Variants in CSMD1 observed in about 807,000 individuals in gnomAD.
CSMD1 encodes CUB and Sushi multiple domains 1, also known as CUB and sushi domain-containing protein 1.
CSMD1 carries 213 observed loss-of-function variants against 417.5 expected under a neutral mutation model. The observed-to-expected ratio is 0.51, with a 90% CI of 0.46 to 0.57. The LOEUF is 0.57. CSMD1 is among the 20% of genes least tolerant of loss of function. The pLI, the probability that CSMD1 is intolerant of heterozygous loss-of-function variation, is 0.00. For missense variants in CSMD1, 6,923 were observed against 4,529.7 expected (o/e 1.53, Z -15.17); for synonymous variants, 2,862 against 1,736.8 (o/e 1.65, Z -16.11).
Position 4,805,211 on chromosome 8 carries a change from G to C in CSMD1, c.86-167653C>G, listed in dbSNP as rs1798520017. Among the ~76,000 whole-genome samples, 3 of 152,130 alleles carry C rather than the reference G, an allele frequency of 2.0e-5. No homozygotes were observed. The South Asian group carries it at 6.2e-4, about 31-fold the overall frequency. ...AGAGATAATATCTGCGATAATCATA[G>C]TCCTAAAATTATATTTCAAGAATAT... On this transcript the variant is annotated intron_variant, in intron 1 of 69. Coordinates refer to ENST00000635120, the MANE Select transcript of CSMD1 (RefSeq NM_033225.6).
chr8:3,291,311 C>T (rs923845792), intron 25 of CSMD1, among the ~76,000 whole-genome samples: 1 of 151,926 alleles, frequency 6.6e-6, no homozygotes, highest in South Asian at 2.1e-4. Context: ...CTCTGTCAGG[C>T]TTTGCTTTCA....
chr8:4,828,384 G>T (rs1213900930), intron 1 of CSMD1, among the ~76,000 whole-genome samples: 1 of 152,154 alleles, frequency 6.6e-6, no homozygotes, highest in Non-Finnish European at 1.5e-5. Context: ...AGACCACAAT[G>T]ACTTTGCTGT....
In CSMD1 at chr8:4,637,510, C is replaced by T. The variant is rs1272098440; in HGVS notation, c.134G>A (p.Ser45Asn). The change falls in exon 2 of 70, where the codon AGC (serine) becomes AAC (asparagine). Residue 45 changes from serine (S) to asparagine (N), a missense_variant. Ser to Asn is a conservative substitution (Grantham distance 46). Coordinates refer to ENST00000635120, the MANE Select transcript of CSMD1 (RefSeq NM_033225.6). The stretch of plus-strand genomic sequence containing the variant: ...CGGATACCCGTGAGGAAACCCTGGG[C>T]TCTCAATAGTGCCATTGGGACCCTG... ...LVQGPNGTIESPGFPHGYPNY... is the reference protein window; with the variant it reads ...LVQGPNGTIENPGFPHGYPNY... 2 of 1,613,904 alleles carry T rather than the reference C, an allele frequency of 1.2e-6. No individual in the cohort carries two copies. Among genetic ancestry groups the T allele is most frequent in the Non-Finnish European group, 1.7e-6 (2 of 1,179,872 alleles).
At chr8:4,286,083 A>G (rs1797041802) in intron 3 of CSMD1, among the ~76,000 whole-genome samples, 1 of 152,120 alleles carries the variant, frequency 6.6e-6, no homozygotes, top group African/African-American at 2.4e-5. Flanking sequence ...AGCTGGAGAA[A>G]TACACATTAT....
At chr8:3,295,165 C>T (rs534756880) in intron 25 of CSMD1, among the ~76,000 whole-genome samples, 2 of 151,914 alleles carry the variant, frequency 1.3e-5, no homozygotes, top group Admixed American at 6.6e-5. Context: ...TGCTTTGTTG[C>T]CCAGGTTGGA....
At chr8:3,509,837 A>T (rs1307570040) in intron 10 of CSMD1, among the ~76,000 whole-genome samples, 3 of 152,156 alleles carry the variant, frequency 2.0e-5, no homozygotes, top group African/African-American at 7.2e-5. Flanking sequence ...CTAGCTGTTC[A>T]GGAAGCAATT....
chr8:4,445,580 G>T (rs1000842942), intron 2 of CSMD1, among the ~76,000 whole-genome samples: 2 of 152,130 alleles, frequency 1.3e-5, no homozygotes, highest in African/African-American at 4.8e-5. Context: ...GAAATAATAC[G>T]CTGGTGTTTA....
intron 26 of CSMD1, among the ~76,000 whole-genome samples, chr8:3,254,775 AT>A (rs1053007213): frequency 1.5e-4 from 22 of 151,622 alleles, no homozygotes; most frequent in African/African-American, 4.1e-4. Flanking sequence ...CATTCATGTA[AT>A]TTTTTTTCAA....
At chr8:4,754,048 A>G (rs1230470387) in intron 1 of CSMD1, among the ~76,000 whole-genome samples, 1 of 152,212 alleles carries the variant, frequency 6.6e-6, no homozygotes, top group African/African-American at 2.4e-5. Context: ...GACATAACAT[A>G]AAAGGAAAAA....
intron 1 of CSMD1, among the ~76,000 whole-genome samples, chr8:4,931,193 A>G (rs144978810): frequency 1.3e-5 from 2 of 152,202 alleles, no homozygotes; most frequent in Admixed American, 1.3e-4. Context: ...GGCAGTCCTA[A>G]AAGATTGAAA....
chr8:2,990,586 G>C (rs149310731), intron 54 of CSMD1, among the ~76,000 whole-genome samples: 32 of 152,180 alleles, frequency 2.1e-4, no homozygotes, highest in Non-Finnish European at 4.4e-4. Flanking sequence ...CCACATTATC[G>C]GCGAAAGCAG....
intron 2 of CSMD1, among the ~76,000 whole-genome samples, chr8:4,421,400 C>A (rs942006615): frequency 3.3e-5 from 5 of 152,068 alleles, no homozygotes; most frequent in African/African-American, 1.2e-4. Flanking sequence ...CAGGTGCCCA[C>A]AGAACATATA....
chr8:4,041,811 A>T (rs756238347), intron 3 of CSMD1, among the ~76,000 whole-genome samples: 4 of 152,174 alleles, frequency 2.6e-5, no homozygotes, highest in Non-Finnish European at 5.9e-5. Flanking sequence ...AAACATACCC[A>T]CAAAAAAACA....
chr8:4,022,698 A>G (rs1025600180), intron 4 of CSMD1, among the ~76,000 whole-genome samples: 8 of 152,152 alleles, frequency 5.3e-5, no homozygotes, highest in African/African-American at 1.7e-4. Context: ...GGCAAGTGGG[A>G]TATTGAAAAG....
chr8:4,138,770 T>A (rs1472304362), intron 3 of CSMD1, among the ~76,000 whole-genome samples: 1 of 152,220 alleles, frequency 6.6e-6, no homozygotes, highest in Non-Finnish European at 1.5e-5. Context: ...TCTTTAATTA[T>A]CAGAATACAC....
intron 1 of CSMD1, among the ~76,000 whole-genome samples, chr8:4,983,840 T>TGACA (rs1401567863): frequency 8.8e-5 from 6 of 68,010 alleles, no homozygotes; most frequent in African/African-American, 5.5e-4. Context: ...GATCAACATA[T>TGACA]GATAGAACTA....
At chr8:3,937,866 G>C (rs62481632) in intron 5 of CSMD1, among the ~76,000 whole-genome samples, 7 of 151,868 alleles carry the variant, frequency 4.6e-5, no homozygotes, top group Non-Finnish European at 7.4e-5. Flanking sequence ...AATATTACTC[G>C]AATTACTGCA....
intron 5 of CSMD1, among the ~76,000 whole-genome samples, chr8:3,928,224 A>T (rs1254199186): frequency 6.6e-6 from 1 of 152,210 alleles, no homozygotes; most frequent in African/African-American, 2.4e-5. Context: ...AAAGGAAAAT[A>T]GAAATAGTAG....
At chr8:4,225,763 A>T (rs545842151) in intron 3 of CSMD1, among the ~76,000 whole-genome samples, 5 of 152,298 alleles carry the variant, frequency 3.3e-5, no homozygotes, top group African/African-American at 1.2e-4. Context: ...AATGGGGCCA[A>T]TCTATTCAAA....
Sources: allele counts gnomAD v4.1 joint callset (sites outside exome capture counted in the v4.1 genomes callset), GRCh38; gene constraint gnomAD v4.1.1; transcripts MANE v1.5; gene names NCBI Gene and HGNC (gene_info 2026-07-23, HGNC 2026-07-21).